Variants in ELMO1 observed in about 807,000 individuals in gnomAD.
ELMO1 encodes engulfment and cell motility protein 1.
ELMO1 carries 26 observed loss-of-function variants against 98.9 expected under a neutral mutation model. The observed-to-expected ratio is 0.26, with a 90% confidence interval of 0.19 to 0.36. ELMO1 has a LOEUF of 0.36. ELMO1 is among the 10% of genes least tolerant of loss of function. The pLI, the probability that ELMO1 is intolerant of heterozygous loss-of-function variation, is 1.00. For synonymous variants in ELMO1, 346 were observed against 346.0 expected, an observed-to-expected ratio of 1.00 and a Z score of 0.00; for missense variants, 627 against 935.2, an observed-to-expected ratio of 0.67 and a Z score of 4.30.
intron 16 of ELMO1, among the ~76,000 whole-genome samples, chr7:36,943,561 C>T (rs2129097295): frequency 6.6e-6 from 1 of 152,260 alleles, no homozygotes; most frequent in African/African-American, 2.4e-5. Context: ...CTATTTCTAT[C>T]CCCAGAATCT....
At chr7:37,244,644 G>A (rs1794907245) in intron 6 of ELMO1, among the ~76,000 whole-genome samples, 1 of 152,146 alleles carries the variant, frequency 6.6e-6, no homozygotes, top group East Asian at 1.9e-4. Context: ...ATGAGTAAAG[G>A]CATCCAAAAC....
chr7:37,119,380 ATAG>A (rs1785840241), intron 14 of ELMO1, among the ~76,000 whole-genome samples: 1 of 152,192 alleles, frequency 6.6e-6, no homozygotes, highest in Admixed American at 6.5e-5. Context: ...GGCTCAAAAG[ATAG>A]TAGCTTTTCT....
At chr7:37,379,464 T>A (rs1802498335) in intron 1 of ELMO1, among the ~76,000 whole-genome samples, 1 of 152,206 alleles carries the variant, frequency 6.6e-6, no homozygotes, top group Non-Finnish European at 1.5e-5. Flanking sequence ...GCTCATCTAC[T>A]GATCTTGCTT....
At chr7:37,379,483 A>G (rs1221440941) in intron 1 of ELMO1, among the ~76,000 whole-genome samples, 1 of 152,090 alleles carries the variant, frequency 6.6e-6, no homozygotes, top group Non-Finnish European at 1.5e-5. Flanking sequence ...TTTAAATTTC[A>G]TCTTCTCAAA....
intron 13 of ELMO1, among the ~76,000 whole-genome samples, chr7:37,163,392 T>G (rs1356651812): frequency 1.3e-5 from 2 of 152,034 alleles, no homozygotes; most frequent in Non-Finnish European, 2.9e-5. Context: ...GTGCACAATG[T>G]GCAGGTTAGT....
intron 13 of ELMO1, among the ~76,000 whole-genome samples, chr7:37,161,926 A>C (rs1452201712): frequency 9.5e-6 from 1 of 105,146 alleles, no homozygotes; most frequent in Admixed American, 1.2e-4. Context: ...ATATATATAT[A>C]TATATATATG....
intron 16 of ELMO1, among the ~76,000 whole-genome samples, chr7:37,003,637 T>C (rs1792840759): frequency 6.6e-6 from 1 of 152,146 alleles, no homozygotes; most frequent in Non-Finnish European, 1.5e-5. Flanking sequence ...TCTGAAAAAT[T>C]TGCAGACATA....
At chr7:36,972,541 C>A (rs1482122856) in intron 16 of ELMO1, among the ~76,000 whole-genome samples, 1 of 152,132 alleles carries the variant, frequency 6.6e-6, no homozygotes. Flanking sequence ...TGTTCCAGGC[C>A]TTTCTCCTTG....
At chr7:37,124,876 C>T (rs1786384059) in intron 14 of ELMO1, among the ~76,000 whole-genome samples, 1 of 152,202 alleles carries the variant, frequency 6.6e-6, no homozygotes. Context: ...CACTACCTGA[C>T]TTCAAACTAT....
At chr7:37,198,656 C>T (rs923939446) in intron 13 of ELMO1, among the ~76,000 whole-genome samples, 9 of 152,238 alleles carry the variant, frequency 5.9e-5, no homozygotes, top group East Asian at 1.9e-4. Context: ...TTATACATTA[C>T]GAGACCCTGA....
chr7:37,307,080 C>T (rs1430045086), intron 4 of ELMO1, among the ~76,000 whole-genome samples: 1 of 152,208 alleles, frequency 6.6e-6, no homozygotes, highest in Non-Finnish European at 1.5e-5. Flanking sequence ...CATTGCAGCA[C>T]ATTAACTGTC....
At chr7:37,345,679 C>T (rs1800967142) in intron 1 of ELMO1, among the ~76,000 whole-genome samples, 1 of 151,758 alleles carries the variant, frequency 6.6e-6, no homozygotes, top group African/African-American at 2.4e-5. Flanking sequence ...TGCACACCAG[C>T]GTGGGCAACA....
rs7809548 is a variant in ELMO1, at chr7:37,213,488, T to A, written c.832-31A>T. The A allele has an allele frequency of 0.23, 369,969 of 1,579,206 alleles. 46,018 individuals carry two copies. Among genetic ancestry groups the A allele is most frequent in the African/African-American group, 0.4 (29,463 of 73,786 alleles). ...GAGATGGTTCACAAATGAAATTTTT[T>A]AAAAAAGAAAGAAAAGGAAACAACT... On this transcript the variant is annotated intron_variant, in intron 11 of 21. Coordinates refer to ENST00000310758, the MANE Select transcript of ELMO1 (RefSeq NM_014800.11).
At chr7:36,977,159 C>T (rs143898695) in intron 16 of ELMO1, among the ~76,000 whole-genome samples, 1 of 152,338 alleles carries the variant, frequency 6.6e-6, no homozygotes, top group Non-Finnish European at 1.5e-5. Context: ...CTGAGTCTGG[C>T]CCTCTATCCT....
intron 1 of ELMO1, among the ~76,000 whole-genome samples, chr7:37,446,514 G>GTTTC (rs1341969395): frequency 6.6e-6 from 1 of 152,194 alleles, no homozygotes; most frequent in Non-Finnish European, 1.5e-5. Context: ...ACATGTGGGA[G>GTTTC]AAAAGCTCCT....
intron 4 of ELMO1, among the ~76,000 whole-genome samples, chr7:37,293,267 A>G (rs1322637387): frequency 7.3e-6 from 1 of 136,806 alleles, no homozygotes; most frequent in Non-Finnish European, 1.7e-5. Context: ...GCGGTTTTGT[A>G]GAATAGAAAG....
At chr7:37,136,973 G>A (rs911958977) in intron 13 of ELMO1, among the ~76,000 whole-genome samples, 5 of 152,142 alleles carry the variant, frequency 3.3e-5, no homozygotes, top group Non-Finnish European at 4.4e-5. Context: ...GGTACAGAAC[G>A]GCAGAAAGGA....
At chr7:37,445,509 G>C (rs1165322113) in intron 1 of ELMO1, among the ~76,000 whole-genome samples, 2 of 152,152 alleles carry the variant, frequency 1.3e-5, no homozygotes, top group African/African-American at 4.8e-5. Flanking sequence ...GTGATCAGGT[G>C]AGCTCCTTGC....
In ELMO1 at chr7:37,144,542, G is replaced by A. The variant is rs117417775; in HGVS notation, c.1087-11308C>T. On this transcript the variant is annotated intron_variant, in intron 13 of 21. Transcript: ENST00000310758. ...CCTGTCTTGAAATGGAAGCTGCAGGGGCTTTGATAAATGGCTTGAAATTTT... is the reference window on the plus strand; with the variant it reads ...CCTGTCTTGAAATGGAAGCTGCAGGAGCTTTGATAAATGGCTTGAAATTTT... Among the ~76,000 whole-genome samples, 925 of 152,174 alleles carry A rather than the reference G, an allele frequency of 6.1e-3. 8 individuals carry two copies. The highest frequency in any genetic ancestry group is 0.01 in the Non-Finnish European group (684 of 67,986).
Sources: allele counts gnomAD v4.1 joint callset (sites outside exome capture counted in the v4.1 genomes callset), GRCh38; gene constraint gnomAD v4.1.1; transcripts MANE v1.5; gene names NCBI Gene and HGNC (gene_info 2026-07-23, HGNC 2026-07-21).